STK4: variants seen among roughly 807,000 people sequenced by gnomAD.
STK4 encodes the protein serine/threonine-protein kinase 4.
STK4 carries 30 observed loss-of-function variants against 64.9 expected under a neutral mutation model. That is an observed-to-expected ratio of 0.46 (90% CI 0.35 to 0.63). The LOEUF is 0.63. Ranked by LOEUF, STK4 falls within the 20% of genes least tolerant of loss-of-function variation. STK4 has a pLI of 0.01. For synonymous variants in STK4, 177 were observed against 199.0 expected, an observed-to-expected ratio of 0.89 and a Z score of 0.93; for missense variants, 466 against 598.5, an observed-to-expected ratio of 0.78 and a Z score of 2.31.
At chr20:44,994,987 CAGT>C (rs1399546657) in intron 5 of STK4, 100 bp from the exon 6 acceptor site, 3 of 1,019,390 alleles carry the variant, frequency 2.9e-6, no homozygotes, top group African/African-American at 3.4e-5. Flanking sequence ...CTCTTTTTCT[CAGT>C]AGTTTTTTTT....
At chr20:44,991,661 C>A (rs1046000101) in intron 5 of STK4, among the ~76,000 whole-genome samples, 1 of 146,700 alleles carries the variant, frequency 6.8e-6, no homozygotes, top group East Asian at 2.0e-4. Flanking sequence ...GAATGTTGTA[C>A]TTTTTTTTTT....
intron 9 of STK4, among the ~76,000 whole-genome samples, chr20:45,023,566 TC>T: frequency 6.6e-6 from 1 of 152,312 alleles, no homozygotes; most frequent in African/African-American, 2.4e-5. Context: ...GAAAAATACT[TC>T]CTGTATTTCC....
intron 9 of STK4, among the ~76,000 whole-genome samples, chr20:45,022,299 G>A (rs188586279): frequency 7.2e-4 from 109 of 152,086 alleles, no homozygotes; most frequent in Admixed American, 1.8e-3. Context: ...TTGGAACTTC[G>A]AATTCTAATA....
chr20:45,043,779 T>C (rs145132959), intron 10 of STK4, among the ~76,000 whole-genome samples: 3 of 152,300 alleles, frequency 2.0e-5, no homozygotes, highest in Non-Finnish European at 4.4e-5. Context: ...TTAAAACACT[T>C]CTGGTCCCAA....
chr20:44,979,065 A>G (rs1048238714), intron 3 of STK4, among the ~76,000 whole-genome samples: 1 of 152,136 alleles, frequency 6.6e-6, no homozygotes, highest in Non-Finnish European at 1.5e-5. Context: ...CCAAGTCCCA[A>G]AGTACTGGGA....
chr20:45,020,281 A>T (rs2068219213), intron 9 of STK4, among the ~76,000 whole-genome samples: 1 of 152,212 alleles, frequency 6.6e-6, no homozygotes, highest in African/African-American at 2.4e-5. Context: ...TATGGTGGTC[A>T]TGCAGTTTGG....
Position 45,061,235 on chromosome 20 carries a change from C to T in STK4, c.1306-13783C>T, listed in dbSNP as rs114162324. Among the ~76,000 whole-genome samples the T allele has an allele frequency of 5.1e-3, 774 of 152,286 alleles. 8 individuals are homozygous for T. Among genetic ancestry groups the T allele is most frequent in the African/African-American group, 0.017 (727 of 41,544 alleles). On this transcript the variant is annotated intron_variant, in intron 10 of 10. Coordinates refer to ENST00000372806, the MANE Select transcript of STK4 (RefSeq NM_006282.5). ...GAATAAATTCTAAGCATGCAAAATA[C>T]TACTTTAAGAATTTTGTCCTGTAAA...
chr20:45,021,287 C>T (rs1418721952), intron 9 of STK4, among the ~76,000 whole-genome samples: 1 of 152,146 alleles, frequency 6.6e-6, no homozygotes, highest in African/African-American at 2.4e-5. Context: ...ATCTTAGATA[C>T]TAATTGTGAT....
chr20:44,967,882 G>C (rs2067178607), intron 1 of STK4, among the ~76,000 whole-genome samples: 1 of 152,184 alleles, frequency 6.6e-6, no homozygotes, highest in African/African-American at 2.4e-5. Flanking sequence ...CCGGGTGCCA[G>C]GCACTGTTCT....
At chr20:45,005,145 C>A (rs1480684238) in intron 9 of STK4, among the ~76,000 whole-genome samples, 1 of 152,124 alleles carries the variant, frequency 6.6e-6, no homozygotes, top group Non-Finnish European at 1.5e-5. Context: ...AATCCCCTCT[C>A]TCCACTCTCT....
intron 10 of STK4, among the ~76,000 whole-genome samples, chr20:45,038,164 TCA>T (rs1421741074): frequency 2.0e-5 from 3 of 152,138 alleles, no homozygotes; most frequent in Non-Finnish European, 4.4e-5. Context: ...GTCCCATTAC[TCA>T]GTTACAACAA....
rs1408350431 is a variant in STK4 at position 45,076,681 on chromosome 20, T to A, written c.*1505T>A. Reference sequence around the variant, plus strand: ...TCAGAGGGCTTTGCAAAAGACAGCATAGAGCCATCTTCCTGCAACTTTACC... The same window carrying A: ...TCAGAGGGCTTTGCAAAAGACAGCAAAGAGCCATCTTCCTGCAACTTTACC... On this transcript the variant is annotated 3_prime_UTR_variant, in exon 11 of 11. Transcript: ENST00000372806. This position sits in a 1 kb window ranked among gnomAD's most constrained non-coding sequence, Gnocchi z 4.0. 2 of 152,236 alleles carry A rather than the reference T, an allele frequency of 1.3e-5. No individual in the cohort carries two copies. The highest frequency in any genetic ancestry group is 4.8e-5 in the African/African-American group (2 of 41,424). The allele number at this position is 152,236 out of a possible 1,614,324, so 9.4% of individuals were successfully genotyped here. A position where few individuals can be genotyped will look rare whatever the true frequency, so the allele number is the denominator to read the frequency against.
At chr20:44,999,153 A>C (rs1292396222) in intron 7 of STK4, among the ~76,000 whole-genome samples, 1 of 152,186 alleles carries the variant, frequency 6.6e-6, no homozygotes, top group Non-Finnish European at 1.5e-5. Context: ...GGACACTAGC[A>C]TGAAACTGAT....
chr20:44,995,213 A>G lies in STK4; in HGVS notation c.649A>G (p.Met217Val), dbSNP rs552199529. ...GTCCCTGGGAATAACTGCCATAGAAATGGCTGAAGGAAAGCCCCCTTATGC... is the reference window on the plus strand; with the variant it reads ...GTCCCTGGGAATAACTGCCATAGAAGTGGCTGAAGGAAAGCCCCCTTATGC... ...IWSLGITAIE[M>V]AEGKPPYADI... The change falls in exon 6 of 11, where the codon ATG (methionine) becomes GTG (valine). Residue 217 changes from methionine to valine, a missense_variant. By Grantham distance (21) the Met-to-Val change is conservative (BLOSUM62 1). Transcript: ENST00000372806. 4.3e-6 allele frequency: 7 copies of G among 1,613,836 alleles called. No homozygotes were observed. The highest frequency in any genetic ancestry group is 3.3e-4 in the Middle Eastern group (2 of 6,058).
chr20:45,036,005 G>A (rs2068521838), intron 10 of STK4, among the ~76,000 whole-genome samples: 1 of 152,148 alleles, frequency 6.6e-6, no homozygotes. Flanking sequence ...GGCTTAATAG[G>A]AAGAATAAGT....
intron 10 of STK4, among the ~76,000 whole-genome samples, chr20:45,026,071 T>C (rs2068339163): frequency 1.5e-5 from 2 of 135,788 alleles, no homozygotes; most frequent in South Asian, 4.6e-4. Flanking sequence ...GAACCCATGA[T>C]AGAACCCAGG....
At chr20:45,036,610 A>G (rs1037014451) in intron 10 of STK4, among the ~76,000 whole-genome samples, 3 of 152,154 alleles carry the variant, frequency 2.0e-5, no homozygotes, top group African/African-American at 2.4e-5. Flanking sequence ...ATAAGGGGGG[A>G]AAAACCATAT....
In STK4 at chr20:44,973,643, A is replaced by G. The variant is rs376838110; in HGVS notation, c.116+1485A>G. 5.3e-5 allele frequency among the ~76,000 whole-genome samples: 8 copies of G among 152,346 alleles called. No individual in the cohort carries two copies. The East Asian group carries it at 9.6e-4, about 18-fold the overall frequency. On this transcript the variant is annotated intron_variant, in intron 2 of 10. Transcript: ENST00000372806. ...TCTAATACAGTTTGCTCTTACTACT[A>G]CAATGTGAGGCTGACCTGGGTTAAA...
intron 5 of STK4, among the ~76,000 whole-genome samples, chr20:44,987,873 C>G (rs2067558392): frequency 6.6e-6 from 1 of 151,578 alleles, no homozygotes; most frequent in Non-Finnish European, 1.5e-5. Flanking sequence ...GGCAGGTATA[C>G]TCTAAAATTT....
Sources: gnomAD v4.1 joint callset for allele counts (sites outside exome capture counted in the v4.1 genomes callset) on GRCh38, gnomAD v4.1.1 for gene constraint, Gnocchi (gnomAD v3.1) non-coding constraint, MANE v1.5 for transcripts, NCBI Gene and HGNC (gene_info 2026-07-23, HGNC 2026-07-21) for gene names.